Variants in CWF19L1 observed in about 807,000 individuals in gnomAD.
CWF19L1 encodes the protein CWF19 like cell cycle control factor 1.
In CWF19L1, 60 loss-of-function variants were observed where a neutral mutation model predicts 69.7. That is an observed-to-expected ratio of 0.86 (90% CI 0.70 to 1.07). The LOEUF (loss-of-function observed/expected upper bound fraction) is 1.07, where lower values mean the gene tolerates loss of function less well. Among genes scored for constraint, CWF19L1 ranks in the 50% least tolerant of loss-of-function variants. The pLI, the probability that CWF19L1 is intolerant of heterozygous loss-of-function variation, is 0.00. For missense variants in CWF19L1, 591 were observed against 638.9 expected, an observed-to-expected ratio of 0.92 and a Z score of 0.81; for synonymous variants, 209 against 222.2, an observed-to-expected ratio of 0.94 and a Z score of 0.53.
chr10:100,233,449 C>T, intron 13 of CWF19L1, 78 bp from the exon 14 acceptor site: 1 of 1,474,880 alleles, frequency 6.8e-7, no homozygotes, highest in Non-Finnish European at 9.2e-7. Flanking sequence ...AGGAGGTATG[C>T]AAATTTCTCT....
intron 3 of CWF19L1, 61 bp downstream of exon 3, chr10:100,260,905 A>G: frequency 9.7e-7 from 1 of 1,027,940 alleles, no homozygotes; most frequent in Non-Finnish European, 1.4e-6. Context: ...CAACTCTGCA[A>G]GAACTCTGGC....
At chr10:100,241,969 T>A (rs1240679374) in intron 10 of CWF19L1, among the ~76,000 whole-genome samples, 1 of 152,158 alleles carries the variant, frequency 6.6e-6, no homozygotes, top group Non-Finnish European at 1.5e-5. Flanking sequence ...GTGTTAAAAA[T>A]TAAGTTTTCT....
chr10:100,256,277 G>C lies in CWF19L1; in HGVS notation c.489C>G (p.Asn163Lys), dbSNP rs538457760. The C allele has an allele frequency of 1.2e-6, 2 of 1,613,762 alleles. No homozygotes were observed. Among genetic ancestry groups the C allele is most frequent in the African/African-American group, 1.3e-5 (1 of 75,004 alleles). The change falls in exon 5 of 14, where the codon AAC becomes AAG. Residue 163 changes from asparagine to lysine, a missense_variant. Coordinates refer to ENST00000354105, the MANE Select transcript of CWF19L1 (RefSeq NM_018294.6). ...LTSPWPKCVG[N>K]FGNSSGEVDT... Reference sequence around the variant, plus strand: ...CACTACTCACAGAAGAATTCCCAAAGTTCCCCACACACTTGGGCCATGGGG... The same window carrying C: ...CACTACTCACAGAAGAATTCCCAAACTTCCCCACACACTTGGGCCATGGGG...
intron 11 of CWF19L1, chr10:100,237,216 C>G: frequency 1.5e-6 from 1 of 683,588 alleles, no homozygotes; most frequent in Non-Finnish European, 2.7e-6. Context: ...CGTCACAAGC[C>G]TTTGCCATCT....
At chr10:100,243,808 T>C (rs377647397) in intron 9 of CWF19L1, 31 bp from the exon 10 acceptor site, 2 of 1,570,826 alleles carry the variant, frequency 1.3e-6, no homozygotes, top group African/African-American at 1.3e-5. Context: ...GGTGTTACTA[T>C]GGTCCAAGCA....
At chr10:100,239,812 G>A (rs374388356) in intron 10 of CWF19L1, among the ~76,000 whole-genome samples, 1 of 152,210 alleles carries the variant, frequency 6.6e-6, no homozygotes, top group East Asian at 1.9e-4. Flanking sequence ...AGAGAGGACT[G>A]AGCATATTGA....
chr10:100,234,534 C>T (rs1047969182), intron 13 of CWF19L1, among the ~76,000 whole-genome samples: 2 of 152,168 alleles, frequency 1.3e-5, no homozygotes, highest in African/African-American at 4.8e-5. Context: ...GTCTGAATCT[C>T]GTAGCACACT....
chr10:100,233,432 C>A, intron 13 of CWF19L1, 61 bp from the exon 14 acceptor site: 1 of 1,546,572 alleles, frequency 6.5e-7, no homozygotes, highest in Non-Finnish European at 8.8e-7. Flanking sequence ...TCCTCAACAT[C>A]ACCCAAAGGA....
Position 100,236,950 on chromosome 10 carries a change from C to A in CWF19L1, c.1274G>T (p.Ser425Ile). ...LQLQVIPVPI[S>I]CSTTDDIKDA... ...TTTAATGTCATCAGTAGTAGAGCAG[C>A]TGATTGGGACAGGAATGACCTGGGG... Residue 425 changes from serine (S) to isoleucine (I), a missense_variant, in exon 12 of 14, where the codon AGC becomes ATC. By Grantham distance (142) the Ser-to-Ile change is moderately radical. Around this residue, in one of 3 missense-constraint regions of CWF19L1, gnomAD observed 458 missense variants for 489.3 expected, o/e 0.94. Transcript: ENST00000354105. The A allele has an allele frequency of 6.2e-7, 1 of 1,601,220 alleles. No homozygotes were observed. Among genetic ancestry groups the A allele is most frequent in the Non-Finnish European group, 8.5e-7 (1 of 1,174,520 alleles).
chr10:100,244,463 C>G (rs545220993), intron 9 of CWF19L1, among the ~76,000 whole-genome samples: 22 of 152,318 alleles, frequency 1.4e-4, no homozygotes, highest in Non-Finnish European at 2.6e-4. Context: ...TCATGCCATT[C>G]TCCTGCCTCA....
chr10:100,267,147 CAAAA>C (rs56827592), intron 1 of CWF19L1, among the ~76,000 whole-genome samples: 12 of 30,768 alleles, frequency 3.9e-4, no homozygotes, highest in African/African-American at 6.1e-4. Context: ...CTCCTCCTCG[CAAAA>C]AAAAAAAAAA....
At chr10:100,244,133 T>C (rs986574988) in intron 9 of CWF19L1, among the ~76,000 whole-genome samples, 3 of 152,192 alleles carry the variant, frequency 2.0e-5, no homozygotes, top group Admixed American at 6.5e-5. Context: ...CTGGAAAATT[T>C]ACCCTCCCAA....
chr10:100,264,237 G>A lies in CWF19L1; in HGVS notation c.24-2174C>T, dbSNP rs967610060. Among the ~76,000 whole-genome samples, 11 of 152,268 alleles carry A rather than the reference G, an allele frequency of 7.2e-5. No individual in the cohort carries two copies. The South Asian group carries it at 1.5e-3, about 20-fold the overall frequency. On this transcript the variant is annotated intron_variant, in intron 1 of 13. Transcript: ENST00000354105. Reference sequence around the variant, plus strand: ...ATGATAATAAACAACTATGTTACTGGTTTATGTATAATATTTAGCATGCTA... The same window carrying A: ...ATGATAATAAACAACTATGTTACTGATTTATGTATAATATTTAGCATGCTA...
intron 7 of CWF19L1, among the ~76,000 whole-genome samples, chr10:100,249,743 C>A (rs1172951991): frequency 6.6e-6 from 1 of 152,126 alleles, no homozygotes; most frequent in East Asian, 1.9e-4. Flanking sequence ...CCCCACCACA[C>A]CTGGCTAATT....
chr10:100,246,303 G>C (rs958460069), intron 8 of CWF19L1, among the ~76,000 whole-genome samples: 1 of 152,192 alleles, frequency 6.6e-6, no homozygotes, highest in Admixed American at 6.5e-5. Flanking sequence ...AGGCTGCTTG[G>C]AAAGAAAGAA....
intron 11 of CWF19L1, among the ~76,000 whole-genome samples, chr10:100,237,558 A>G (rs1226238598): frequency 6.6e-6 from 1 of 152,166 alleles, no homozygotes; most frequent in African/African-American, 2.4e-5. Flanking sequence ...TGGGGTTACC[A>G]CCAGATACTC....
chr10:100,262,296 T>G (rs1412653528), intron 1 of CWF19L1: 22 of 985,398 alleles, frequency 2.2e-5, no homozygotes, highest in Non-Finnish European at 2.5e-5. Context: ...TGAGCCAGCT[T>G]CTTCTCCTCA....
intron 10 of CWF19L1, among the ~76,000 whole-genome samples, chr10:100,241,716 A>G (rs1055375228): frequency 6.6e-6 from 1 of 152,234 alleles, no homozygotes; most frequent in African/African-American, 2.4e-5. Context: ...ATCCCATGGC[A>G]GAAGGGCAAG....
chr10:100,253,079 G>C (rs899914820), intron 6 of CWF19L1, among the ~76,000 whole-genome samples: 5 of 152,110 alleles, frequency 3.3e-5, no homozygotes, highest in Admixed American at 2.6e-4. Context: ...CTATTCACAG[G>C]CGTAGTCATT....
Sources: gnomAD v4.1 joint callset for allele counts (sites outside exome capture counted in the v4.1 genomes callset) on GRCh38, gnomAD v4.1.1 for gene constraint, gnomAD v4.1.1 regional missense constraint, MANE v1.5 for transcripts, NCBI Gene and HGNC (gene_info 2026-07-23, HGNC 2026-07-21) for gene names.